CLCN5: variants seen among roughly 807,000 people sequenced by gnomAD.
CLCN5 encodes Cl-/H+ antiporter 5.
A neutral mutation model predicts 54.0 loss-of-function variants in CLCN5; 17 were observed. That is an observed-to-expected ratio of 0.31 (90% confidence interval 0.22 to 0.47). CLCN5 has a LOEUF of 0.47. Among genes scored for constraint, CLCN5 ranks in the 20% least tolerant of loss-of-function variants. The pLI, the probability that CLCN5 is intolerant of heterozygous loss-of-function variation, is 1.00. For missense variants in CLCN5, 448 were observed against 646.7 expected (o/e 0.69, Z 3.33); for synonymous variants, 222 against 233.0 (o/e 0.95, Z 0.43).
At chrX:50,034,483 A>G (rs1270541204) in intron 3 of CLCN5, among the ~76,000 whole-genome samples, 2 of 111,660 alleles carry the variant, frequency 1.8e-5, no homozygotes, top group African/African-American at 6.5e-5. Context: ...AATGCCATGT[A>G]TAGGTCAACA....
chrX:50,053,450 A>C (rs1023412765), intron 4 of CLCN5, among the ~76,000 whole-genome samples: 5 of 110,741 alleles, frequency 4.5e-5, no homozygotes, highest in Non-Finnish European at 5.7e-5. Flanking sequence ...GTAGTCTATC[A>C]ATTTTGTTGA....
At position 50,086,077 on chromosome X, in the gene CLCN5, G is replaced by T; in HGVS notation, c.1014+17G>T. 1 of 1,118,943 alleles carries T rather than the reference G, an allele frequency of 8.9e-7. No individual in the cohort carries two copies. Among genetic ancestry groups the T allele is most frequent in the Non-Finnish European group, 1.2e-6 (1 of 810,921 alleles). 92.2% of individuals were successfully genotyped at this position (1,118,943 alleles called of 1,213,427 possible). A position where few individuals can be genotyped will look rare whatever the true frequency, so the allele number is the denominator to read the frequency against. On this transcript the variant is annotated intron_variant, in intron 10 of 14. Coordinates refer to ENST00000376091, the MANE Select transcript of CLCN5 (RefSeq NM_001127898.4). ...CTTGAAGAGGTAACAACTTTTCATT[G>T]TACAGCATGTGCATGCTTTTGTGTC...
At chrX:49,966,881 C>G (rs1367535283) in intron 3 of CLCN5, among the ~76,000 whole-genome samples, 1 of 7,157 alleles carries the variant, frequency 1.4e-4, no homozygotes, top group Non-Finnish European at 2.0e-4. Context: ...GTTTTTTGTT[C>G]TTGCGATAGT....
At chrX:50,065,971 A>G (rs1209669337) in intron 4 of CLCN5, among the ~76,000 whole-genome samples, 2 of 88,074 alleles carry the variant, frequency 2.3e-5, no homozygotes, top group East Asian at 7.8e-4. Context: ...ATGAGATCAC[A>G]TGGACACAGG....
chrX:50,065,928 C>T (rs1318480685), intron 4 of CLCN5, among the ~76,000 whole-genome samples: 10 of 95,960 alleles, frequency 1.0e-4, no homozygotes, highest in South Asian at 5.2e-4. Flanking sequence ...AACCAAACAC[C>T]GCATATTCTC....
At chrX:50,053,006 TTTAA>T (rs1932639268) in intron 4 of CLCN5, among the ~76,000 whole-genome samples, 1 of 111,905 alleles carries the variant, frequency 8.9e-6, no homozygotes, top group Admixed American at 9.5e-5. Flanking sequence ...GCTCTCTTTG[TTTAA>T]TTAATTAATC....
Position 50,098,517 on chromosome X carries a change from G to A in CLCN5, c.*6298G>A, listed in dbSNP as rs1209020930. The A allele has an allele frequency of 5.3e-5, 6 of 113,200 alleles. No individual in the cohort carries two copies. The highest frequency in any genetic ancestry group is 7.5e-5 in the Non-Finnish European group (4 of 53,398). The allele number at this position is 113,200 out of a possible 1,213,427, so 9.3% of individuals were successfully genotyped here. A position where few individuals can be genotyped will look rare whatever the true frequency, so the allele number is the denominator to read the frequency against. On this transcript the variant is annotated 3_prime_UTR_variant, in exon 15 of 15. Coordinates refer to ENST00000376091, the MANE Select transcript of CLCN5 (RefSeq NM_001127898.4). ...CTGTAGTAAGCTCTTTGTAGGGCTG[G>A]CTCCAACTGCAGTAGCCAAAGAAAA...
At chrX:50,051,035 TATTA>T (rs1557188307) in intron 4 of CLCN5, among the ~76,000 whole-genome samples, 2 of 111,623 alleles carry the variant, frequency 1.8e-5, no homozygotes, top group Non-Finnish European at 3.8e-5. Context: ...AAGTCTAACT[TATTA>T]ATTTTTTTTC....
At chrX:49,972,457 C>T (rs1208603167) in intron 3 of CLCN5, among the ~76,000 whole-genome samples, 1 of 111,271 alleles carries the variant, frequency 9.0e-6, no homozygotes, top group East Asian at 2.8e-4. Context: ...CAGACATGTG[C>T]GATAAAAAGT....
intron 3 of CLCN5, among the ~76,000 whole-genome samples, chrX:49,989,932 G>T (rs1929172011): frequency 9.0e-6 from 1 of 111,345 alleles, no homozygotes; most frequent in Non-Finnish European, 1.9e-5. Flanking sequence ...CCTGTTTCAG[G>T]TTAAGTGGTT....
At chrX:50,013,801 G>T (rs1930647576) in intron 3 of CLCN5, among the ~76,000 whole-genome samples, 1 of 112,400 alleles carries the variant, frequency 8.9e-6, no homozygotes, top group Admixed American at 9.4e-5. Flanking sequence ...CAGCTTGTGA[G>T]CCTTGCCTAT....
At position 49,933,395 on chromosome X, in the gene CLCN5, T is replaced by C. The variant is rs1298597256; in HGVS notation, c.16+8081T>C. Among the ~76,000 whole-genome samples the C allele has an allele frequency of 2.7e-5, 3 of 111,947 alleles. No homozygotes were observed. In the East Asian group the frequency reaches 8.4e-4, roughly 31 times the overall value. On this transcript the variant is annotated intron_variant, in intron 3 of 14. Coordinates refer to ENST00000376091, the MANE Select transcript of CLCN5 (RefSeq NM_001127898.4). ...TAAACGAAAACAACCTTTCAAAAAA[T>C]TATTCTCTAAGAGTCAGTTATTCTT...
intron 3 of CLCN5, among the ~76,000 whole-genome samples, chrX:50,002,641 C>G (rs1202561944): frequency 1.9e-5 from 2 of 105,902 alleles, no homozygotes; most frequent in African/African-American, 7.1e-5. Flanking sequence ...CTGTCTGTCT[C>G]TCTGTCTCTG....
intron 3 of CLCN5, among the ~76,000 whole-genome samples, chrX:49,935,579 A>G (rs1234310179): frequency 4.5e-5 from 5 of 111,938 alleles, no homozygotes; most frequent in Non-Finnish European, 9.4e-5. Context: ...AAGTCCTATG[A>G]AAAAGAATAG....
At chrX:50,035,704 T>G (rs1931962504) in intron 3 of CLCN5, among the ~76,000 whole-genome samples, 2 of 112,078 alleles carry the variant, frequency 1.8e-5, no homozygotes, top group South Asian at 7.5e-4. Flanking sequence ...ATAACAAATT[T>G]GTGGCAAGAG....
At chrX:49,939,248 G>A (rs1339390140) in intron 3 of CLCN5, among the ~76,000 whole-genome samples, 1 of 110,633 alleles carries the variant, frequency 9.0e-6, no homozygotes, top group Non-Finnish European at 1.9e-5. Flanking sequence ...CAGGGATCTA[G>A]AACTAGAAAT....
At chrX:49,984,617 T>C (rs1438931328) in intron 3 of CLCN5, among the ~76,000 whole-genome samples, 1 of 110,130 alleles carries the variant, frequency 9.1e-6, no homozygotes, top group Non-Finnish European at 1.9e-5. Flanking sequence ...TTTGTTTTTT[T>C]CTTTTATTTC....
intron 3 of CLCN5, among the ~76,000 whole-genome samples, chrX:50,042,072 A>G (rs782520483): frequency 1.8e-5 from 2 of 112,160 alleles, no homozygotes; most frequent in South Asian, 3.7e-4. Flanking sequence ...GCAAATCTAT[A>G]GAGACAAAAA....
rs782211472 is a variant in CLCN5 at position 50,095,774 on chromosome X, T to G, written c.*3555T>G. On this transcript the variant is annotated 3_prime_UTR_variant, in exon 15 of 15. Coordinates refer to ENST00000376091, the MANE Select transcript of CLCN5 (RefSeq NM_001127898.4). ...AGATGTGAGGGGGGCAAATATGTTTTCAAAAACTTAGTGTGCAATAGAGTC... is the reference window on the plus strand; with the variant it reads ...AGATGTGAGGGGGGCAAATATGTTTGCAAAAACTTAGTGTGCAATAGAGTC... 8.9e-6 allele frequency: 1 copy of G among 112,284 alleles called. No individual in the cohort carries two copies. Among genetic ancestry groups the G allele is most frequent in the Non-Finnish European group, 1.9e-5 (1 of 53,286 alleles). 9.3% of individuals were successfully genotyped at this position (112,284 alleles called of 1,213,427 possible). A position where few individuals can be genotyped will look rare whatever the true frequency, so the allele number is the denominator to read the frequency against.
Sources: gnomAD v4.1 joint callset for allele counts (sites outside exome capture counted in the v4.1 genomes callset) on GRCh38, gnomAD v4.1.1 for gene constraint, MANE v1.5 for transcripts, NCBI Gene and HGNC (gene_info 2026-07-23, HGNC 2026-07-21) for gene names.